Variants in FBXO4 observed in about 807,000 individuals in gnomAD.
FBXO4 encodes the protein F-box protein 4.
A neutral mutation model predicts 43.7 loss-of-function variants in FBXO4; 36 were observed. The observed-to-expected ratio is 0.82, with a 90% CI of 0.63 to 1.09. FBXO4 has a LOEUF of 1.09. FBXO4 is among the 50% of genes least tolerant of loss of function. FBXO4 has a pLI of 0.00. For synonymous variants in FBXO4, 180 were observed against 165.6 expected (o/e 1.09, Z -0.67); for missense variants, 435 against 474.1 (o/e 0.92, Z 0.77).
At chr5:41,976,156 C>T in the FBXO4 span, among the ~76,000 whole-genome samples, 28 of 152,310 alleles carry the variant, frequency 1.8e-4, no homozygotes, top group African/African-American at 5.3e-4. Context: ...CCAGGCCCCA[C>T]GTCCAACTTT....
At chr5:42,011,553 G>T in the FBXO4 span, among the ~76,000 whole-genome samples, 1 of 152,170 alleles carries the variant, frequency 6.6e-6, no homozygotes, top group Non-Finnish European at 1.5e-5. Flanking sequence ...TCCCATCATT[G>T]CATGCATGTG....
chr5:41,999,034 A>ACAT, the FBXO4 span, among the ~76,000 whole-genome samples: 1 of 136,916 alleles, frequency 7.3e-6, no homozygotes, highest in Non-Finnish European at 1.6e-5. Flanking sequence ...TATATGGACC[A>ACAT]CATATGGTTC....
At position 41,927,098 on chromosome 5, in the gene FBXO4, C is replaced by T. The variant is rs1228844396; in HGVS notation, c.275C>T (p.Thr92Ile). ...LGSTNHYWNE[T>I]VRDPILWRYF... ...AGTACAAATCATTATTGGAATGAAA[C>T]TGTAAGAGATCCAATTCTGTGGAGA... The change falls in exon 2 of 7, where the codon ACT becomes ATT. Residue 92 changes from threonine to isoleucine, a missense_variant. By Grantham distance (89) the Thr-to-Ile change is moderately conservative (BLOSUM62 -1). Transcript: ENST00000281623. 3 of 1,613,660 alleles carry T rather than the reference C, an allele frequency of 1.9e-6. No individual in the cohort carries two copies. In the African/African-American group the frequency reaches 4.0e-5, roughly 22 times the overall value.
the FBXO4 span, among the ~76,000 whole-genome samples, chr5:42,011,389 A>G: frequency 2.0e-5 from 3 of 152,164 alleles, no homozygotes; most frequent in African/African-American, 7.2e-5. Flanking sequence ...GCACATGCCC[A>G]TTACCAGAAA....
the FBXO4 span, among the ~76,000 whole-genome samples, chr5:41,985,103 C>T: frequency 6.6e-6 from 1 of 152,194 alleles, no homozygotes; most frequent in Non-Finnish European, 1.5e-5. Context: ...CAGTCTCACA[C>T]ACTTTTTTCC....
the FBXO4 span, among the ~76,000 whole-genome samples, chr5:42,036,318 T>C: frequency 1.6e-4 from 24 of 151,794 alleles, no homozygotes; most frequent in Non-Finnish European, 2.8e-4. Flanking sequence ...TATTAGAATA[T>C]GAGATTAGTC....
the FBXO4 span, among the ~76,000 whole-genome samples, chr5:41,978,096 G>A: frequency 1.3e-5 from 2 of 152,122 alleles, no homozygotes; most frequent in East Asian, 3.9e-4. Context: ...TTACTATCAT[G>A]GCCTAAGTTG....
the FBXO4 span, among the ~76,000 whole-genome samples, chr5:41,974,041 G>T: frequency 6.6e-6 from 1 of 152,162 alleles, no homozygotes; most frequent in African/African-American, 2.4e-5. Flanking sequence ...GCACTGTAAA[G>T]CTAGACTAGT....
chr5:41,951,305 C>T, the FBXO4 span: 1 of 184,836 alleles, frequency 5.4e-6, no homozygotes, highest in Non-Finnish European at 1.1e-5. Flanking sequence ...GGAAGAACAG[C>T]TTTAACACTA....
At chr5:41,929,969 C>A in intron 3 of FBXO4, 52 bp downstream of exon 3, 1 of 1,342,926 alleles carries the variant, frequency 7.4e-7, no homozygotes. Context: ...GCTTGACATT[C>A]TTGTTAAAAA....
chr5:41,938,942 G>A (rs183517926), intron 5 of FBXO4, among the ~76,000 whole-genome samples: 2,543 of 116,290 alleles, frequency 0.022, 35 homozygotes, highest in Non-Finnish European at 0.03. Flanking sequence ...CACCTGATTA[G>A]TCAGGCTCAA....
chr5:41,928,375 C>G (rs1413770269), intron 2 of FBXO4: 4 of 151,162 alleles, frequency 2.6e-5, no homozygotes, highest in Non-Finnish European at 4.4e-5. Flanking sequence ...TGCTCTGTCG[C>G]CCAGGCTGGA....
At chr5:42,013,178 C>T in the FBXO4 span, among the ~76,000 whole-genome samples, 2 of 152,036 alleles carry the variant, frequency 1.3e-5, no homozygotes, top group African/African-American at 4.8e-5. Flanking sequence ...GTGGTGCGCA[C>T]CTGTGGTCCC....
At chr5:41,941,109 A>T in intron 6 of FBXO4, 83 bp from the exon 7 acceptor site, 2 of 993,648 alleles carry the variant, frequency 2.0e-6, no homozygotes, top group Non-Finnish European at 3.1e-6. Context: ...TTATCTTTTT[A>T]GTGTCTAGAA....
intron 5 of FBXO4, among the ~76,000 whole-genome samples, chr5:41,935,936 G>C (rs1279345891): frequency 6.6e-6 from 1 of 152,240 alleles, no homozygotes; most frequent in Non-Finnish European, 1.5e-5. Flanking sequence ...GCAGCATGCT[G>C]CTGGAAGAAT....
At chr5:41,938,908 CAAG>C (rs781667876) in intron 5 of FBXO4, among the ~76,000 whole-genome samples, 31 of 151,904 alleles carry the variant, frequency 2.0e-4, no homozygotes, top group Non-Finnish European at 3.5e-4. Context: ...AATCTTTCAA[CAAG>C]AAGAGCCGCT....
At chr5:41,947,263 TAAG>T in the FBXO4 span, among the ~76,000 whole-genome samples, 1 of 152,150 alleles carries the variant, frequency 6.6e-6, no homozygotes, top group Non-Finnish European at 1.5e-5. Context: ...CTTCATCAAT[TAAG>T]AGATAAAATC....
At chr5:41,959,185 A>T in the FBXO4 span, among the ~76,000 whole-genome samples, 1 of 152,116 alleles carries the variant, frequency 6.6e-6, no homozygotes, top group African/African-American at 2.4e-5. Context: ...CCATCCGTAT[A>T]TCTTCTTTTG....
chr5:41,967,704 T>C, the FBXO4 span: 1 of 627,334 alleles, frequency 1.6e-6, no homozygotes, highest in Non-Finnish European at 3.1e-6. Flanking sequence ...ACATTCACCC[T>C]ACATTAATTA....
Sources: allele counts gnomAD v4.1 joint callset (sites outside exome capture counted in the v4.1 genomes callset), GRCh38; gene constraint gnomAD v4.1.1; transcripts MANE v1.5; gene names NCBI Gene and HGNC (gene_info 2026-07-23, HGNC 2026-07-21).